Variants in ST6GALNAC5 observed in about 807,000 individuals in gnomAD.
ST6GALNAC5 encodes alpha-N-acetylgalactosaminide alpha-2,6-sialyltransferase 5.
In ST6GALNAC5, 27 loss-of-function variants were observed where a neutral mutation model predicts 33.6. The ratio of observed to expected loss-of-function variants is 0.80; its 90% CI spans 0.59 to 1.11. ST6GALNAC5 has a LOEUF of 1.11. Ranked by LOEUF, ST6GALNAC5 falls within the 50% of genes least tolerant of loss-of-function variation. The pLI is 0.00. For missense variants in ST6GALNAC5, 428 were observed against 454.0 expected (o/e 0.94, Z 0.52); for synonymous variants, 194 against 171.2 (o/e 1.13, Z -1.04).
chr1:77,053,217 G>A (rs192136226), intron 4 of ST6GALNAC5, among the ~76,000 whole-genome samples: 257 of 152,220 alleles, frequency 1.7e-3, no homozygotes, highest in African/African-American at 5.9e-3. Flanking sequence ...AACTATTTGG[G>A]GCTGAAAACA....
chr1:76,998,530 G>A (rs1650024446), intron 2 of ST6GALNAC5, among the ~76,000 whole-genome samples: 1 of 152,158 alleles, frequency 6.6e-6, no homozygotes, highest in African/African-American at 2.4e-5. Context: ...TGTGTTGACT[G>A]GAAAAGAGAT....
At chr1:76,931,404 A>G (rs1647139381) in intron 2 of ST6GALNAC5, among the ~76,000 whole-genome samples, 1 of 152,128 alleles carries the variant, frequency 6.6e-6, no homozygotes, top group South Asian at 2.1e-4. Flanking sequence ...ATTGTTATTC[A>G]TCAATAAATA....
intron 2 of ST6GALNAC5, among the ~76,000 whole-genome samples, chr1:76,950,778 G>C (rs1453201202): frequency 6.6e-6 from 1 of 152,062 alleles, no homozygotes; most frequent in African/African-American, 2.4e-5. Flanking sequence ...ATAGAATAGG[G>C]AATGAAAAGC....
chr1:76,965,187 T>A (rs967554287), intron 2 of ST6GALNAC5, among the ~76,000 whole-genome samples: 1 of 149,066 alleles, frequency 6.7e-6, no homozygotes. Context: ...TGCCACACTG[T>A]CTTCCGCAAT....
chr1:76,886,252 C>T (rs535510335), intron 2 of ST6GALNAC5, among the ~76,000 whole-genome samples: 1 of 148,046 alleles, frequency 6.8e-6, no homozygotes, highest in Admixed American at 6.7e-5. Flanking sequence ...AAAACATTTT[C>T]TTTATCTTAT....
At chr1:76,871,181 G>A (rs1653494366) in intron 2 of ST6GALNAC5, 1 of 152,208 alleles carries the variant, frequency 6.6e-6, no homozygotes, top group Admixed American at 6.5e-5. Context: ...AATTATGACA[G>A]GGGAGGGTAA....
At chr1:77,047,236 C>G (rs1652044932) in intron 3 of ST6GALNAC5, among the ~76,000 whole-genome samples, 1 of 152,132 alleles carries the variant, frequency 6.6e-6, no homozygotes, top group African/African-American at 2.4e-5. Flanking sequence ...TTAAAGAAGC[C>G]AATACTCTAT....
chr1:76,940,818 A>C (rs1302884542), intron 2 of ST6GALNAC5, among the ~76,000 whole-genome samples: 2 of 151,940 alleles, frequency 1.3e-5, no homozygotes, highest in Admixed American at 6.6e-5. Context: ...GAGTGTACTG[A>C]TTTTGCCTTC....
At chr1:76,953,601 A>G (rs961027237) in intron 2 of ST6GALNAC5, among the ~76,000 whole-genome samples, 3 of 152,078 alleles carry the variant, frequency 2.0e-5, no homozygotes, top group Non-Finnish European at 4.4e-5. Context: ...ATGGTTTGCA[A>G]GCTTTTTCTC....
At chr1:77,051,335 T>C (rs1262232893) in intron 4 of ST6GALNAC5, among the ~76,000 whole-genome samples, 4 of 152,116 alleles carry the variant, frequency 2.6e-5, no homozygotes, top group Non-Finnish European at 5.9e-5. Context: ...ACAGCAACAA[T>C]ACTAATTGAT....
chr1:77,004,079 C>A (rs900635572), intron 2 of ST6GALNAC5, among the ~76,000 whole-genome samples: 10 of 147,968 alleles, frequency 6.8e-5, no homozygotes, highest in African/African-American at 2.5e-4. Flanking sequence ...TAATATCCTG[C>A]AGAGTGTTTT....
intron 2 of ST6GALNAC5, among the ~76,000 whole-genome samples, chr1:76,876,789 G>T (rs562520777): frequency 4.6e-5 from 7 of 152,184 alleles, no homozygotes; most frequent in Non-Finnish European, 1.0e-4. Context: ...CCACTTTTGG[G>T]TGGTGCCTGC....
At chr1:76,960,812 T>C (rs545969986) in intron 2 of ST6GALNAC5, among the ~76,000 whole-genome samples, 4 of 152,332 alleles carry the variant, frequency 2.6e-5, no homozygotes, top group South Asian at 2.1e-4. Flanking sequence ...AGGTTACCTC[T>C]CTTGTTTTCT....
At chr1:77,022,871 T>C (rs1169699234) in intron 2 of ST6GALNAC5, among the ~76,000 whole-genome samples, 1 of 152,210 alleles carries the variant, frequency 6.6e-6, no homozygotes, top group Non-Finnish European at 1.5e-5. Context: ...TGGATATATA[T>C]TTCTTGGCAA....
Position 76,867,514 on chromosome 1 carries a change from G to A in ST6GALNAC5, c.-162G>A, listed in dbSNP as rs1557702458. On this transcript the variant is annotated 5_prime_UTR_variant, in exon 1 of 5. Coordinates refer to ENST00000477717, the MANE Select transcript of ST6GALNAC5 (RefSeq NM_030965.3). ...TCTGTCTCTAATCTCTGCAACAGCCGCGCTTCCCGGGTCCCGCGGCTCCCG... is the reference window on the plus strand; with the variant it reads ...TCTGTCTCTAATCTCTGCAACAGCCACGCTTCCCGGGTCCCGCGGCTCCCG... 1.9e-6 allele frequency: 2 copies of A among 1,043,684 alleles called. No individual in the cohort carries two copies. Among genetic ancestry groups the A allele is most frequent in the Non-Finnish European group, 3.0e-6 (2 of 667,776 alleles). 64.7% of individuals were successfully genotyped at this position (1,043,684 alleles called of 1,614,324 possible).
At chr1:76,936,838 T>C (rs1007077497) in intron 2 of ST6GALNAC5, among the ~76,000 whole-genome samples, 2 of 151,884 alleles carry the variant, frequency 1.3e-5, no homozygotes, top group African/African-American at 4.8e-5. Flanking sequence ...GAAGGAGCAT[T>C]GGACTTTGGA....
intron 2 of ST6GALNAC5, among the ~76,000 whole-genome samples, chr1:76,893,295 T>C (rs951207796): frequency 6.6e-6 from 1 of 152,106 alleles, no homozygotes; most frequent in African/African-American, 2.4e-5. Flanking sequence ...CAGAGAAAGA[T>C]GGAAGCAGCA....
chr1:77,029,626 C>T (rs1049439407), intron 2 of ST6GALNAC5, among the ~76,000 whole-genome samples: 1 of 152,196 alleles, frequency 6.6e-6, no homozygotes, highest in African/African-American at 2.4e-5. Context: ...TGACTCCATA[C>T]TGTGGAAGGA....
rs1277056149 is a variant in ST6GALNAC5 at position 76,884,931 on chromosome 1, C to T, written c.261+16189C>T. Among the ~76,000 whole-genome samples, 14 of 152,062 alleles carry T rather than the reference C, an allele frequency of 9.2e-5. No individual in the cohort carries two copies. In the East Asian group the frequency reaches 2.7e-3, roughly 29 times the overall value. On this transcript the variant is annotated intron_variant, in intron 2 of 4. Coordinates refer to ENST00000477717, the MANE Select transcript of ST6GALNAC5 (RefSeq NM_030965.3). Reference sequence around the variant, plus strand: ...TTTCTGGAATAAGAACTATGGTGTCCCTCTATGATGAGCAAGATCAGGTCC... The same window carrying T: ...TTTCTGGAATAAGAACTATGGTGTCTCTCTATGATGAGCAAGATCAGGTCC...
Sources: gnomAD v4.1 joint callset for allele counts (sites outside exome capture counted in the v4.1 genomes callset) on GRCh38, gnomAD v4.1.1 for gene constraint, MANE v1.5 for transcripts, NCBI Gene and HGNC (gene_info 2026-07-23, HGNC 2026-07-21) for gene names.